Variants in FAM193A observed in about 807,000 individuals in gnomAD.
The protein encoded by FAM193A is protein FAM193A.
In FAM193A, 22 loss-of-function variants were observed where a neutral mutation model predicts 126.5. The ratio of observed to expected loss-of-function variants is 0.17; its 90% CI spans 0.12 to 0.25. The LOEUF is 0.25. Among genes scored for constraint, FAM193A ranks in the 10% least tolerant of loss-of-function variants. FAM193A has a pLI of 1.00. For synonymous variants in FAM193A, 761 were observed against 646.8 expected (o/e 1.18, Z -2.68); for missense variants, 1,675 against 1,672.8 (o/e 1.00, Z -0.02).
rs1719396726 is a variant in FAM193A, at chr4:2,715,053, G to GT, written c.4373-970_4373-969insT. 2.0e-5 allele frequency among the ~76,000 whole-genome samples: 3 copies of GT among 152,226 alleles called. No homozygotes were observed. In the South Asian group the frequency reaches 6.2e-4, roughly 32 times the overall value. On this transcript the variant is annotated intron_variant, in intron 19 of 20. Coordinates refer to ENST00000637812, the MANE Select transcript of FAM193A (RefSeq NM_001366318.2). The stretch of plus-strand genomic sequence containing the variant: ...AGTAGAAATTCTCAAACTTGCCTGA[G>GT]AGTCTAGGAAATTGAGTAATTCTCA...
rs991218966 is a variant in FAM193A at position 2,693,755 on chromosome 4, A to G, written c.2973A>G (p.Pro991=). Residue 991 remains proline (P), a synonymous_variant, in exon 16 of 21, where the codon CCA becomes CCG. Transcript: ENST00000637812. ...CTCACCTTGCAAATCTTGCAGCCCC[A>G]TCATTCCCCAAAACAGCAACCACAA... The part of the protein sequence containing the change: ...STPHLANLAA[P]SFPKTATTTP... The G allele has an allele frequency of 1.4e-5, 22 of 1,613,990 alleles. No individual in the cohort carries two copies. Among genetic ancestry groups the G allele is most frequent in the African/African-American group, 1.2e-4 (9 of 74,880 alleles).
At position 2,686,473 on chromosome 4, in the gene FAM193A, A is replaced by T. The variant is rs570122716; in HGVS notation, c.2332-3033A>T. Among the ~76,000 whole-genome samples, 83 of 152,346 alleles carry T rather than the reference A, an allele frequency of 5.4e-4. 1 individual carries two copies. In the South Asian group the frequency reaches 0.016, roughly 30 times the overall value. ...GAGAAGACAAAAACATAATCAAAAT[A>T]TCAAAATGTTGTGACTTACAGATGC... On this transcript the variant is annotated intron_variant, in intron 13 of 20. Transcript: ENST00000637812.
At chr4:2,680,649 CT>C (rs111612826) in intron 13 of FAM193A, among the ~76,000 whole-genome samples, 7 of 148,630 alleles carry the variant, frequency 4.7e-5, no homozygotes, top group East Asian at 4.0e-4. Context: ...TACTTACTTA[CT>C]TTTTTTTTTG....
At chr4:2,714,376 A>G (rs992096617) in intron 19 of FAM193A, among the ~76,000 whole-genome samples, 7 of 152,064 alleles carry the variant, frequency 4.6e-5, no homozygotes, top group Admixed American at 2.6e-4. Context: ...CACATCCGCT[A>G]TTCTGTGCCA....
At chr4:2,653,200 G>C (rs1745842914) in intron 7 of FAM193A, among the ~76,000 whole-genome samples, 1 of 152,186 alleles carries the variant, frequency 6.6e-6, no homozygotes, top group South Asian at 2.1e-4. Context: ...TTTGGGAATA[G>C]TAATTTCTTC....
intron 15 of FAM193A, among the ~76,000 whole-genome samples, chr4:2,693,108 G>T (rs1716592110): frequency 1.3e-5 from 2 of 152,068 alleles, no homozygotes; most frequent in African/African-American, 4.8e-5. Context: ...CTGGAGTGCA[G>T]TGGTGCGATC....
intron 5 of FAM193A, among the ~76,000 whole-genome samples, chr4:2,635,893 A>AG (rs1322414867): frequency 1.3e-5 from 2 of 152,186 alleles, no homozygotes; most frequent in African/African-American, 2.4e-5. Flanking sequence ...TCTCTGTAAA[A>AG]GCAGTGGGAG....
At chr4:2,627,852 C>T (rs1230077415) in intron 4 of FAM193A, among the ~76,000 whole-genome samples, 1 of 151,872 alleles carries the variant, frequency 6.6e-6, no homozygotes, top group Admixed American at 6.6e-5. Flanking sequence ...ACGCCGTTCT[C>T]CTGCCTCAGC....
At chr4:2,709,422 T>G (rs769771076) in intron 19 of FAM193A, among the ~76,000 whole-genome samples, 4 of 152,068 alleles carry the variant, frequency 2.6e-5, no homozygotes, top group Non-Finnish European at 5.9e-5. Flanking sequence ...ATTAGGAAGT[T>G]TTTGGCTGGG....
At chr4:2,653,808 A>G (rs564100135) in intron 7 of FAM193A, among the ~76,000 whole-genome samples, 7 of 152,324 alleles carry the variant, frequency 4.6e-5, no homozygotes, top group Middle Eastern at 6.8e-3. Context: ...CACTAATACA[A>G]TTGAGGGAAA....
At position 2,699,896 on chromosome 4, in the gene FAM193A, C is replaced by T. The variant is rs1717504265; in HGVS notation, c.3724C>T (p.Leu1242Phe). The T allele has an allele frequency of 1.2e-6, 2 of 1,614,072 alleles. No homozygotes were observed. The highest frequency in any genetic ancestry group is 2.7e-5 in the African/African-American group (2 of 74,996). Residue 1242 changes from leucine to phenylalanine, a missense_variant, in exon 19 of 21, where the codon CTC (leucine) becomes TTC (phenylalanine). Leu to Phe is a conservative substitution (Grantham distance 22). This residue lies in a region of FAM193A where 415 missense variants were observed against 396.7 expected (regional missense o/e 1.05). Transcript: ENST00000637812. The part of the protein sequence containing the change: ...PSKDCPKLDM[L>F]TRNFQAATES... ...TAAAGACTGCCCCAAGTTGGACATGCTCACTAGAAATTTCCAGGCAGCAAC... is the reference window on the plus strand; with the variant it reads ...TAAAGACTGCCCCAAGTTGGACATGTTCACTAGAAATTTCCAGGCAGCAAC...
chr4:2,540,031 T>C (rs1381922274), intron 1 of FAM193A, among the ~76,000 whole-genome samples: 1 of 151,532 alleles, frequency 6.6e-6, no homozygotes, highest in African/African-American at 2.4e-5. Context: ...GGCAGGAGAA[T>C]TGCTTGAACC....
At chr4:2,623,466 G>C (rs1269945573) in intron 2 of FAM193A, among the ~76,000 whole-genome samples, 2 of 152,190 alleles carry the variant, frequency 1.3e-5, no homozygotes, top group Non-Finnish European at 2.9e-5. Context: ...CACCGCGCCT[G>C]GCCGGTCCCC....
intron 1 of FAM193A, among the ~76,000 whole-genome samples, chr4:2,543,793 G>T (rs7376157): frequency 6.7e-6 from 1 of 150,082 alleles, no homozygotes; most frequent in Non-Finnish European, 1.5e-5. Context: ...GGGGTGGGGG[G>T]TGCAGGGCTG....
At chr4:2,702,268 C>T (rs75973497) in intron 19 of FAM193A, among the ~76,000 whole-genome samples, 2,915 of 152,248 alleles carry the variant, frequency 0.019, 85 homozygotes, top group African/African-American at 0.064. Context: ...GTCTGAGATT[C>T]GGTCAGTGGG....
intron 19 of FAM193A, chr4:2,708,078 G>T (rs531531906): frequency 1.1e-4 from 48 of 428,202 alleles, no homozygotes; most frequent in Admixed American, 8.8e-4. Context: ...GGATAGTGCT[G>T]CCCTAACTGG....
chr4:2,682,712 A>G (rs1358355420), intron 13 of FAM193A, among the ~76,000 whole-genome samples: 2 of 152,168 alleles, frequency 1.3e-5, no homozygotes, highest in African/African-American at 2.4e-5. Context: ...TACAATATAC[A>G]TTTTGAACTA....
upstream of FAM193A, among the ~76,000 whole-genome samples, chr4:2,535,868 A>C (rs1007601719): frequency 7.9e-5 from 12 of 151,982 alleles, no homozygotes; most frequent in Non-Finnish European, 1.5e-4. Flanking sequence ...TTCTCGGGGA[A>C]CCGACCGGCG....
In FAM193A at chr4:2,700,212, G is replaced by A. The variant is rs759493565; in HGVS notation, c.4040G>A (p.Ser1347Asn). 1 of 1,613,952 alleles carries A rather than the reference G, an allele frequency of 6.2e-7. No individual in the cohort carries two copies. The highest frequency in any genetic ancestry group is 8.5e-7 in the Non-Finnish European group (1 of 1,180,022). Residue 1347 changes from serine to asparagine, a missense_variant, in exon 19 of 21, where the codon AGC (serine) becomes AAC (asparagine). Transcript: ENST00000637812. ...KQKLRQTSKA[S>N]SEPARRPTEP... ...AAGCTGAGGCAGACCAGCAAGGCCAGCAGCGAGCCAGCGAGGAGGCCCACA... is the reference window on the plus strand; with the variant it reads ...AAGCTGAGGCAGACCAGCAAGGCCAACAGCGAGCCAGCGAGGAGGCCCACA...
Sources: gnomAD v4.1 joint callset for allele counts (sites outside exome capture counted in the v4.1 genomes callset) on GRCh38, gnomAD v4.1.1 for gene constraint, gnomAD v4.1.1 regional missense constraint, MANE v1.5 for transcripts, NCBI Gene and HGNC (gene_info 2026-07-23, HGNC 2026-07-21) for gene names.